GPC4: variants seen among roughly 807,000 people sequenced by gnomAD.
The protein encoded by GPC4 is glypican 4.
GPC4 carries 10 observed loss-of-function variants against 35.0 expected under a neutral mutation model. The observed-to-expected ratio is 0.29, with a 90% CI of 0.18 to 0.48. GPC4 has a LOEUF of 0.48. GPC4 is among the 20% of genes least tolerant of loss of function. GPC4 has a pLI of 0.99. For synonymous variants in GPC4, 167 were observed against 170.2 expected, an observed-to-expected ratio of 0.98 and a Z score of 0.15; for missense variants, 322 against 451.3, an observed-to-expected ratio of 0.71 and a Z score of 2.60.
At chrX:133,331,053 G>A (rs2068418135) in intron 2 of GPC4, among the ~76,000 whole-genome samples, 2 of 112,035 alleles carry the variant, frequency 1.8e-5, no homozygotes, top group African/African-American at 3.2e-5. Flanking sequence ...ATATCACAGA[G>A]TACTAGGGGA....
At position 133,300,405 on chromosome X, in the gene GPC4, T is replaced by A. The variant is rs2068263127; in HGVS notation, c.*2462A>T. 8.9e-6 allele frequency: 1 copy of A among 112,203 alleles called. No individual in the cohort carries two copies. Among genetic ancestry groups the A allele is most frequent in the Non-Finnish European group, 1.9e-5 (1 of 53,288 alleles). The allele number at this position is 112,203 out of a possible 1,213,427, so 9.2% of individuals were successfully genotyped here. On this transcript the variant is annotated 3_prime_UTR_variant, in exon 9 of 9. Coordinates refer to ENST00000370828, the MANE Select transcript of GPC4 (RefSeq NM_001448.3). Reference sequence around the variant, plus strand: ...TGCTGTTAACTTTGGAAAAGTCAGGTCTTCTCCTAACAAGGCTTTTATTCT... The same window carrying A: ...TGCTGTTAACTTTGGAAAAGTCAGGACTTCTCCTAACAAGGCTTTTATTCT...
intron 1 of GPC4, among the ~76,000 whole-genome samples, chrX:133,372,223 TTAAAAAA>T (rs1250113644): frequency 1.5e-5 from 1 of 66,164 alleles, no homozygotes. Flanking sequence ...GACTCCGTCT[TTAAAAAA>T]AAAAAAAAAA....
intron 3 of GPC4, among the ~76,000 whole-genome samples, chrX:133,317,075 T>G (rs2068342206): frequency 8.9e-6 from 1 of 111,741 alleles, no homozygotes; most frequent in African/African-American, 3.2e-5. Context: ...CCATATTAAC[T>G]CATATATCAA....
chrX:133,332,218 G>C (rs1464967742), intron 2 of GPC4, among the ~76,000 whole-genome samples: 1 of 111,519 alleles, frequency 9.0e-6, no homozygotes, highest in East Asian at 2.8e-4. Flanking sequence ...GGACAGGTAA[G>C]AAGAAAATAT....
At chrX:133,311,200 C>T (rs2068312650) in intron 4 of GPC4, 58 bp downstream of exon 4, 3 of 1,112,897 alleles carry the variant, frequency 2.7e-6, no homozygotes, top group Non-Finnish European at 1.2e-6. Flanking sequence ...TACAACATTC[C>T]TTGTGACTGG....
intron 2 of GPC4, among the ~76,000 whole-genome samples, chrX:133,336,416 T>G (rs1451964039): frequency 1.8e-5 from 2 of 110,654 alleles, no homozygotes; most frequent in Non-Finnish European, 3.8e-5. Context: ...GTTCCTGTAA[T>G]CCCAGCTACT....
chrX:133,371,693 T>C (rs1239319895), intron 1 of GPC4, among the ~76,000 whole-genome samples: 1 of 112,291 alleles, frequency 8.9e-6, no homozygotes, highest in Non-Finnish European at 1.9e-5. Context: ...GATTTCTCTT[T>C]GTCCAAATTC....
chrX:133,385,542 T>C (rs748290404), intron 1 of GPC4, among the ~76,000 whole-genome samples: 1 of 112,244 alleles, frequency 8.9e-6, no homozygotes, highest in Admixed American at 9.5e-5. Context: ...TTATTTTGTC[T>C]GCACCATAAC....
chrX:133,314,386 GGAGGCTCAAGTTTTAAAAAGA>G (rs2068328160), intron 3 of GPC4, among the ~76,000 whole-genome samples: 1 of 111,685 alleles, frequency 9.0e-6, no homozygotes, highest in East Asian at 2.8e-4. Context: ...ATAGGCTGAT[GGAGGCTCAAGTTTTAAAAAGA>G]GACCAAACTA....
At chrX:133,378,988 T>A (rs2068648764) in intron 1 of GPC4, among the ~76,000 whole-genome samples, 1 of 112,437 alleles carries the variant, frequency 8.9e-6, no homozygotes, top group Non-Finnish European at 1.9e-5. Flanking sequence ...GTGGGTTCAC[T>A]TCATACACTG....
intron 1 of GPC4, among the ~76,000 whole-genome samples, chrX:133,392,138 C>T (rs1267546688): frequency 1.8e-5 from 2 of 108,474 alleles, no homozygotes; most frequent in African/African-American, 6.7e-5. Flanking sequence ...GAGGCTAAGG[C>T]ATGAGAATTG....
chrX:133,354,207 G>A (rs1401217673), intron 1 of GPC4, among the ~76,000 whole-genome samples: 1 of 111,664 alleles, frequency 9.0e-6, no homozygotes, highest in African/African-American at 3.3e-5. Flanking sequence ...TACACTTAAA[G>A]GTACTTCAAA....
intron 1 of GPC4, among the ~76,000 whole-genome samples, chrX:133,349,128 A>C (rs747222203): frequency 1.1e-4 from 12 of 112,460 alleles, no homozygotes; most frequent in Non-Finnish European, 2.3e-4. Flanking sequence ...TCTCTGAGAC[A>C]GCTGATCAGA....
chrX:133,303,899 G>A (rs1285174592), intron 7 of GPC4, among the ~76,000 whole-genome samples: 2 of 61,961 alleles, frequency 3.2e-5, no homozygotes, highest in Non-Finnish European at 5.4e-5. Context: ...GTGATACTCT[G>A]TTGGAGGAAG....
chrX:133,353,877 G>A (rs2068528040), intron 1 of GPC4, among the ~76,000 whole-genome samples: 1 of 111,569 alleles, frequency 9.0e-6, no homozygotes, highest in Non-Finnish European at 1.9e-5. Flanking sequence ...ATCAAGCACA[G>A]GGACACGTTT....
intron 1 of GPC4, among the ~76,000 whole-genome samples, chrX:133,354,762 G>T (rs111970637): frequency 1.5e-4 from 16 of 105,326 alleles, no homozygotes; most frequent in African/African-American, 3.9e-4. Context: ...TAGAGACGGG[G>T]TTTCACCTTG....
intron 2 of GPC4, among the ~76,000 whole-genome samples, 155 bp downstream of exon 2, chrX:133,339,028 T>C (rs771776239): frequency 9.0e-6 from 1 of 111,647 alleles, no homozygotes; most frequent in African/African-American, 3.3e-5. Context: ...TCCGGAAGTA[T>C]TCTAGCCATA....
intron 6 of GPC4, 25 bp from the exon 7 acceptor site, chrX:133,304,886 A>C (rs201758815): frequency 7.1e-5 from 85 of 1,201,766 alleles, no homozygotes; most frequent in South Asian, 4.1e-4. Flanking sequence ...ACAACAACAA[A>C]AAAAGATCAT....
chrX:133,378,305 T>C (rs960566811), intron 1 of GPC4, among the ~76,000 whole-genome samples: 1 of 111,448 alleles, frequency 9.0e-6, no homozygotes, highest in Non-Finnish European at 1.9e-5. Context: ...CGGTGGTTGA[T>C]GCCTGTAATC....
Sources: gnomAD v4.1 joint callset for allele counts (sites outside exome capture counted in the v4.1 genomes callset) on GRCh38, gnomAD v4.1.1 for gene constraint, MANE v1.5 for transcripts, NCBI Gene and HGNC (gene_info 2026-07-23, HGNC 2026-07-21) for gene names.